Variants in AKAP13 observed in about 807,000 individuals in gnomAD.
AKAP13 encodes the protein A-kinase anchor protein 13.
Under a neutral mutation model 264.5 loss-of-function variants are expected in AKAP13, and 80 were observed. That is an observed-to-expected ratio of 0.30 (90% confidence interval 0.25 to 0.36). The LOEUF (loss-of-function observed/expected upper bound fraction) is 0.36, where lower values mean the gene tolerates loss of function less well. Ranked by LOEUF, AKAP13 falls within the 10% of genes least tolerant of loss-of-function variation. AKAP13 has a pLI of 1.00. For synonymous variants in AKAP13, 1,380 were observed against 1,250.2 expected (o/e 1.10, Z -2.19); for missense variants, 3,712 against 3,435.2 (o/e 1.08, Z -2.01).
intron 8 of AKAP13, among the ~76,000 whole-genome samples, chr15:85,629,894 C>G (rs555667639): frequency 2.0e-5 from 3 of 150,678 alleles, no homozygotes; most frequent in Non-Finnish European, 4.4e-5. Context: ...AGCCTCCCAC[C>G]TCAGCCTCCT....
chr15:85,420,103 G>A (rs1315579282), intron 1 of AKAP13, among the ~76,000 whole-genome samples: 2 of 151,790 alleles, frequency 1.3e-5, no homozygotes, highest in African/African-American at 2.4e-5. Flanking sequence ...CACTACGCCC[G>A]GCTAATTTTT....
At chr15:85,491,596 CTTCT>C (rs2075730635) in intron 2 of AKAP13, among the ~76,000 whole-genome samples, 1 of 148,286 alleles carries the variant, frequency 6.7e-6, no homozygotes, top group African/African-American at 2.5e-5. Context: ...ATAAAGAATA[CTTCT>C]TTGTTTTTAT....
chr15:85,721,840 T>C, intron 23 of AKAP13, 151 bp from the exon 24 acceptor site: 3 of 1,272,146 alleles, frequency 2.4e-6, no homozygotes, highest in Non-Finnish European at 3.2e-6. Flanking sequence ...ACTGCCAGAC[T>C]GCTTTCCAAA....
At chr15:85,722,374 G>A (rs1248949050) in intron 25 of AKAP13, 27 bp downstream of exon 25, 3 of 1,577,238 alleles carry the variant, frequency 1.9e-6, no homozygotes, top group African/African-American at 2.7e-5. Context: ...ACTCGGTCTT[G>A]TATGGTCATG....
At chr15:85,518,135 C>T (rs2076676807) in intron 2 of AKAP13, among the ~76,000 whole-genome samples, 1 of 152,176 alleles carries the variant, frequency 6.6e-6, no homozygotes, top group African/African-American at 2.4e-5. Context: ...CCAGGCACAG[C>T]AGAATAATTT....
At chr15:85,480,278 G>A (rs1012806661) in intron 1 of AKAP13, among the ~76,000 whole-genome samples, 2 of 152,178 alleles carry the variant, frequency 1.3e-5, no homozygotes, top group African/African-American at 2.4e-5. Flanking sequence ...AGTATCTGAA[G>A]CCTTTCATTT....
intron 5 of AKAP13, among the ~76,000 whole-genome samples, chr15:85,573,235 A>G (rs1389077550): frequency 6.6e-6 from 1 of 152,090 alleles, no homozygotes; most frequent in Non-Finnish European, 1.5e-5. Flanking sequence ...TCCTCCCAAA[A>G]TCTCAGGGAT....
intron 33 of AKAP13, among the ~76,000 whole-genome samples, chr15:85,738,455 A>G (rs1021903860): frequency 8.5e-5 from 13 of 152,102 alleles, no homozygotes; most frequent in Admixed American, 8.5e-4. Flanking sequence ...GGTAATTAAG[A>G]TTTTTGTGTT....
chr15:85,627,087 A>C (rs1044845869), intron 8 of AKAP13, among the ~76,000 whole-genome samples: 1 of 152,164 alleles, frequency 6.6e-6, no homozygotes, highest in African/African-American at 2.4e-5. Context: ...GGTATTATTT[A>C]CTATGAATGC....
intron 8 of AKAP13, among the ~76,000 whole-genome samples, chr15:85,602,767 C>T (rs7169232): frequency 0.62 from 93,622 of 152,062 alleles, 28,978 homozygotes; most frequent in Middle Eastern, 0.72. Context: ...GGATTACAGG[C>T]GTGAGCCACT....
At chr15:85,384,632 G>A (rs539566620) in intron 1 of AKAP13, among the ~76,000 whole-genome samples, 11 of 151,416 alleles carry the variant, frequency 7.3e-5, no homozygotes, top group Admixed American at 4.6e-4. Flanking sequence ...CAGGAGAATC[G>A]CTTGAACCCG....
chr15:85,463,180 T>C (rs1418897041), intron 1 of AKAP13, among the ~76,000 whole-genome samples: 1 of 152,000 alleles, frequency 6.6e-6, no homozygotes, highest in Non-Finnish European at 1.5e-5. Flanking sequence ...GAACAGAACC[T>C]GGAAAATGTG....
At chr15:85,510,013 CTG>C (rs1464023851) in intron 2 of AKAP13, among the ~76,000 whole-genome samples, 1 of 152,250 alleles carries the variant, frequency 6.6e-6, no homozygotes, top group Non-Finnish European at 1.5e-5. Context: ...TTTGAGAAGA[CTG>C]TGGGAGGCCT....
At chr15:85,713,885 G>A (rs2151706294) in intron 19 of AKAP13, among the ~76,000 whole-genome samples, 1 of 152,232 alleles carries the variant, frequency 6.6e-6, no homozygotes, top group East Asian at 1.9e-4. Context: ...GTTCCCAAGT[G>A]CCAGCGTGAC....
At chr15:85,482,216 C>T (rs1299460609) in intron 1 of AKAP13, among the ~76,000 whole-genome samples, 2 of 152,132 alleles carry the variant, frequency 1.3e-5, no homozygotes, top group Non-Finnish European at 2.9e-5. Flanking sequence ...ATTTCTATTA[C>T]TTGCTTTTTT....
chr15:85,424,149 CA>C (rs1201151713), intron 1 of AKAP13, among the ~76,000 whole-genome samples: 1 of 152,218 alleles, frequency 6.6e-6, no homozygotes, highest in African/African-American at 2.4e-5. Flanking sequence ...TAGCCCCTAA[CA>C]AGAGAGTCAG....
At chr15:85,631,811 T>C (rs1480114981) in intron 8 of AKAP13, among the ~76,000 whole-genome samples, 1 of 152,212 alleles carries the variant, frequency 6.6e-6, no homozygotes, top group Non-Finnish European at 1.5e-5. Flanking sequence ...ATGTATACTA[T>C]TTTTTGTATC....
intron 7 of AKAP13, among the ~76,000 whole-genome samples, chr15:85,582,658 G>T (rs4843076): frequency 0.91 from 135,348 of 149,464 alleles, 60,695 homozygotes; most frequent in Admixed American, 0.92. Context: ...GTGGTTTTTT[G>T]TTTGTTTGTT....
intron 3 of AKAP13, among the ~76,000 whole-genome samples, chr15:85,523,534 T>C (rs1402826402): frequency 6.6e-6 from 1 of 152,180 alleles, no homozygotes; most frequent in Non-Finnish European, 1.5e-5. Context: ...CTTTCCTGCT[T>C]TATGTTTCTC....
Sources: allele counts gnomAD v4.1 joint callset (sites outside exome capture counted in the v4.1 genomes callset), GRCh38; gene constraint gnomAD v4.1.1; transcripts MANE v1.5; gene names NCBI Gene and HGNC (gene_info 2026-07-23, HGNC 2026-07-21).